The following CAPSL variants were observed in gnomAD, a reference collection of about 807,000 sequenced individuals.
The protein encoded by CAPSL is calcyphosine like.
Under a neutral mutation model 21.3 loss-of-function variants are expected in CAPSL, and 17 were observed. The ratio of observed to expected loss-of-function variants is 0.80; its 90% CI spans 0.55 to 1.20. The LOEUF (loss-of-function observed/expected upper bound fraction) is 1.20. Among genes scored for constraint, CAPSL ranks in the 50% most tolerant of loss-of-function variants. The pLI is 0.00. For synonymous variants in CAPSL, 102 were observed against 89.3 expected (o/e 1.14, Z -0.80); for missense variants, 289 against 259.3 (o/e 1.11, Z -0.79).
intron 2 of CAPSL, among the ~76,000 whole-genome samples, chr5:35,917,567 G>A (rs1393084070): frequency 1.3e-5 from 2 of 152,108 alleles, no homozygotes; most frequent in Non-Finnish European, 2.9e-5. Flanking sequence ...TCCTTTGTAG[G>A]GACATGGATG....
At chr5:35,933,040 C>G (rs570892641) in intron 1 of CAPSL, among the ~76,000 whole-genome samples, 4 of 152,164 alleles carry the variant, frequency 2.6e-5, no homozygotes, top group Non-Finnish European at 5.9e-5. Context: ...TGGTCTGTGG[C>G]GGCTTTCACA....
chr5:35,931,010 A>G (rs538850918), intron 1 of CAPSL, among the ~76,000 whole-genome samples: 3 of 152,318 alleles, frequency 2.0e-5, no homozygotes, highest in East Asian at 3.9e-4. Context: ...ATCCATGCCA[A>G]CTTAGAGCCC....
chr5:35,921,145 G>A (rs1016743888), intron 1 of CAPSL, 25 bp from the exon 2 acceptor site: 1 of 1,612,126 alleles, frequency 6.2e-7, no homozygotes, highest in Non-Finnish European at 8.5e-7. Context: ...TAGCATGTTA[G>A]CAAAGTCCAG....
chr5:35,936,942 T>C, intron 1 of CAPSL, among the ~76,000 whole-genome samples: 1 of 152,202 alleles, frequency 6.6e-6, no homozygotes, highest in Non-Finnish European at 1.5e-5. Context: ...CCTATCTTCC[T>C]TACTCTTTGC....
intron 1 of CAPSL, among the ~76,000 whole-genome samples, chr5:35,926,167 T>C (rs1473500853): frequency 4.0e-5 from 6 of 150,928 alleles, no homozygotes; most frequent in Non-Finnish European, 7.4e-5. Flanking sequence ...GGCTAGCCAA[T>C]AGGAGACTGT....
At chr5:35,912,455 C>G (rs890633552) in intron 2 of CAPSL, among the ~76,000 whole-genome samples, 2 of 152,282 alleles carry the variant, frequency 1.3e-5, no homozygotes, top group Middle Eastern at 3.4e-3. Flanking sequence ...CTGGGAGGCA[C>G]CCCCCAGTAG....
chr5:35,910,103 G>C (rs920537681), intron 3 of CAPSL, 28 bp from the exon 4 acceptor site: 6 of 1,548,440 alleles, frequency 3.9e-6, no homozygotes, highest in Non-Finnish European at 5.2e-6. Context: ...TACATACAGA[G>C]ACATACATAA....
At position 35,904,644 on chromosome 5, in the gene CAPSL, C is replaced by T. The variant is rs753376053; in HGVS notation, c.528G>A (p.Val176=). ...FDSPYDKDGL[V]TPEEFMNYYA... is the part of the protein sequence containing the mutation. ...AGTAGTTCATGAACTCCTCAGGGGT[C>T]ACCTGCAGTGGAAAAGTTAGAAACA... is the stretch of plus-strand genomic sequence containing the variant. Residue 176 remains valine (V), a splice_region_variant and synonymous_variant, in exon 5 of 5, where the codon GTG becomes GTA. Transcript: ENST00000651391. 33 of 1,612,074 alleles carry T rather than the reference C, an allele frequency of 2.0e-5. No individual in the cohort carries two copies. The highest frequency in any genetic ancestry group is 5.0e-5 in the Admixed American group (3 of 59,586).
chr5:35,925,755 A>G (rs185937444), intron 1 of CAPSL, among the ~76,000 whole-genome samples: 7,374 of 151,982 alleles, frequency 0.049, 620 homozygotes, highest in African/African-American at 0.17. Context: ...CAAAAAAGGG[A>G]AAAAGTCTTC....
At position 35,910,356 on chromosome 5, in the gene CAPSL, G is replaced by A; in HGVS notation, c.315+10C>T. ...ACTCAGCAGATACACTGATTAATGG[G>A]GCCACTTACTCTTAATGTGAGAAGA... is the stretch of plus-strand genomic sequence containing the variant. On this transcript the variant is annotated intron_variant, in intron 3 of 4. Coordinates refer to ENST00000651391, the MANE Select transcript of CAPSL (RefSeq NM_001042625.2). 1 of 1,610,700 alleles carries A rather than the reference G, an allele frequency of 6.2e-7. No homozygotes were observed. Among genetic ancestry groups the A allele is most frequent in the African/African-American group, 1.3e-5 (1 of 74,858 alleles).
chr5:35,938,623 C>T (rs942594776), upstream of CAPSL: 9 of 153,182 alleles, frequency 5.9e-5, no homozygotes, highest in African/African-American at 1.9e-4. Flanking sequence ...ACTGGTCCCT[C>T]CCAAGCCACC....
chr5:35,915,401 CA>C (rs1738352261), intron 2 of CAPSL, among the ~76,000 whole-genome samples: 1 of 152,088 alleles, frequency 6.6e-6, no homozygotes, highest in Non-Finnish European at 1.5e-5. Context: ...GACAGAGACA[CA>C]ACCAAAAAAG....
chr5:35,926,928 C>T (rs1260604478), intron 1 of CAPSL, among the ~76,000 whole-genome samples: 1 of 152,106 alleles, frequency 6.6e-6, no homozygotes, highest in Non-Finnish European at 1.5e-5. Context: ...GAAAGGGAAC[C>T]GAAGCAGGTT....
In CAPSL at chr5:35,926,672, T is replaced by C. The variant is rs138912305; in HGVS notation, c.1-5552A>G. The stretch of plus-strand genomic sequence containing the variant: ...GTGGCAGTAAGCTGAATTACATCTC[T>C]CTTCCTTTCTCTGTTCCTCTCCATC... On this transcript the variant is annotated intron_variant, in intron 1 of 4. Coordinates refer to ENST00000651391, the MANE Select transcript of CAPSL (RefSeq NM_001042625.2). 4.8e-3 allele frequency among the ~76,000 whole-genome samples: 731 copies of C among 152,284 alleles called. 4 individuals are homozygous for C. Among genetic ancestry groups the C allele is most frequent in the Non-Finnish European group, 8.0e-3 (542 of 68,012 alleles).
In CAPSL at chr5:35,926,093, A is replaced by T. The variant is rs976449867; in HGVS notation, c.1-4973T>A. ...TCCGTCTCAAAAAAAAAAAAAAAAAAACGAAAAAACGGGAAAGGCCGTTTG... is the reference window on the plus strand; with the variant it reads ...TCCGTCTCAAAAAAAAAAAAAAAAATACGAAAAAACGGGAAAGGCCGTTTG... On this transcript the variant is annotated intron_variant, in intron 1 of 4. Coordinates refer to ENST00000651391, the MANE Select transcript of CAPSL (RefSeq NM_001042625.2). Among the ~76,000 whole-genome samples the T allele has an allele frequency of 1.6e-3, 232 of 147,848 alleles. 1 individual carries two copies. Among genetic ancestry groups the T allele is most frequent in the Non-Finnish European group, 2.8e-3 (188 of 67,476 alleles).
intron 2 of CAPSL, among the ~76,000 whole-genome samples, chr5:35,916,331 A>T (rs142443029): frequency 0.022 from 3,336 of 152,240 alleles, 120 homozygotes; most frequent in African/African-American, 0.076. Context: ...TCAAGCTACC[A>T]ACGACTTTCT....
At position 35,904,457 on chromosome 5, in the gene CAPSL, AAATCAAATACGATTCTGG is replaced by A; in HGVS notation, c.*70_*87del. ...AGAAAAAAACATTAGGATGAGTGTG[AAATCAAATACGATTCTGG>A]TTTTTGAGCTGACATTTAGTCATTT... On this transcript the variant is annotated 3_prime_UTR_variant, in exon 5 of 5. Coordinates refer to ENST00000651391, the MANE Select transcript of CAPSL (RefSeq NM_001042625.2). 1 of 979,988 alleles carries A rather than the reference AAATCAAATACGATTCTGG, an allele frequency of 1.0e-6. No homozygotes were observed. The highest frequency in any genetic ancestry group is 1.6e-6 in the Non-Finnish European group (1 of 636,900). 60.7% of individuals were successfully genotyped at this position (979,988 alleles called of 1,614,324 possible). A position where few individuals can be genotyped will look rare whatever the true frequency, so the allele number is the denominator to read the frequency against.
intron 2 of CAPSL, among the ~76,000 whole-genome samples, chr5:35,915,323 C>T (rs1738348411): frequency 6.6e-6 from 1 of 152,128 alleles, no homozygotes; most frequent in Non-Finnish European, 1.5e-5. Context: ...CTATTCCAGT[C>T]AATAGAAAAA....
chr5:35,921,044 A>G lies in CAPSL; in HGVS notation c.77T>C (p.Ile26Thr), dbSNP rs778624516. 1.2e-6 allele frequency: 2 copies of G among 1,613,980 alleles called. No individual in the cohort carries two copies. The highest frequency in any genetic ancestry group is 2.2e-5 in the East Asian group (1 of 44,864). Residue 26 changes from isoleucine (I) to threonine (T), a missense_variant, in exon 2 of 5, where the codon ATT becomes ACT. Physicochemically the swap from Ile to Thr is moderately conservative, Grantham distance 89 (BLOSUM62 -1). Coordinates refer to ENST00000651391, the MANE Select transcript of CAPSL (RefSeq NM_001042625.2). Reference sequence around the variant, plus strand: ...CAGGCACTGCAGTCGGAGTCTTTCAATGGGGTCGGTGGCCGTGGTGAGCTT... The same window carrying G: ...CAGGCACTGCAGTCGGAGTCTTTCAGTGGGGTCGGTGGCCGTGGTGAGCTT... ...KKKLTTATDP[I>T]ERLRLQCLAR...
Sources: gnomAD v4.1 joint callset for allele counts (sites outside exome capture counted in the v4.1 genomes callset) on GRCh38, gnomAD v4.1.1 for gene constraint, MANE v1.5 for transcripts, NCBI Gene and HGNC (gene_info 2026-07-23, HGNC 2026-07-21) for gene names.